PARD3B: variants seen among roughly 807,000 people sequenced by gnomAD.
PARD3B encodes par-3 family cell polarity regulator beta, also known as partitioning defective 3 homolog B.
Under a neutral mutation model 130.2 loss-of-function variants are expected in PARD3B, and 103 were observed. That is an observed-to-expected ratio of 0.79 (90% CI 0.67 to 0.93). The LOEUF (loss-of-function observed/expected upper bound fraction) is 0.93. Ranked by LOEUF, PARD3B falls within the 40% of genes least tolerant of loss-of-function variation. The pLI is 0.00. For synonymous variants in PARD3B, 583 were observed against 553.2 expected (o/e 1.05, Z -0.76); for missense variants, 1,609 against 1,499.2 (o/e 1.07, Z -1.21).
chr2:204,880,864 G>A (rs1196117307), intron 2 of PARD3B, among the ~76,000 whole-genome samples: 2 of 152,044 alleles, frequency 1.3e-5, no homozygotes, highest in Non-Finnish European at 2.9e-5. Flanking sequence ...CCAACATCCT[G>A]CAATTATATT....
intron 3 of PARD3B, among the ~76,000 whole-genome samples, chr2:204,996,416 C>G (rs1339992602): frequency 3.3e-5 from 5 of 152,306 alleles, no homozygotes; most frequent in Non-Finnish European, 7.3e-5. Flanking sequence ...CAGGGACCCA[C>G]TTGAGGAGGC....
chr2:204,625,747 T>G (rs1016835277), intron 1 of PARD3B, among the ~76,000 whole-genome samples: 35 of 152,200 alleles, frequency 2.3e-4, no homozygotes, highest in African/African-American at 7.7e-4. Flanking sequence ...TATTTATAGA[T>G]TTTTAGCTTT....
intron 1 of PARD3B, among the ~76,000 whole-genome samples, chr2:204,615,747 C>T (rs769624091): frequency 8.5e-5 from 13 of 152,136 alleles, no homozygotes; most frequent in Non-Finnish European, 1.6e-4. Flanking sequence ...AATGCTGTTC[C>T]ATGAAAAAAC....
chr2:205,035,063 A>G (rs757853929), intron 3 of PARD3B, among the ~76,000 whole-genome samples: 4 of 151,864 alleles, frequency 2.6e-5, no homozygotes, highest in Non-Finnish European at 5.9e-5. Flanking sequence ...GGGTTTCACC[A>G]TGTTGTCCAG....
At chr2:204,699,197 A>C in intron 2 of PARD3B, among the ~76,000 whole-genome samples, 1 of 152,066 alleles carries the variant, frequency 6.6e-6, no homozygotes, top group Admixed American at 6.5e-5. Context: ...TGGTGTAGCA[A>C]GTAAAGCCTG....
At chr2:205,166,427 A>G (rs561459751) in intron 11 of PARD3B, among the ~76,000 whole-genome samples, 1 of 152,212 alleles carries the variant, frequency 6.6e-6, no homozygotes, top group Admixed American at 6.5e-5. Context: ...TATGTACACC[A>G]AAGTACAGTC....
chr2:205,006,012 C>G (rs1003441457), intron 3 of PARD3B, among the ~76,000 whole-genome samples: 24 of 152,232 alleles, frequency 1.6e-4, no homozygotes, highest in Non-Finnish European at 4.4e-5. Context: ...TAGTCTTAGG[C>G]CTTTGCATCG....
intron 10 of PARD3B, among the ~76,000 whole-genome samples, chr2:205,140,916 T>A (rs1286521852): frequency 1.3e-5 from 2 of 152,190 alleles, no homozygotes; most frequent in African/African-American, 4.8e-5. Flanking sequence ...ATTAGGCCAC[T>A]AGTTTTGCAT....
chr2:204,693,351 G>C (rs1031379205), intron 2 of PARD3B, among the ~76,000 whole-genome samples: 1 of 151,916 alleles, frequency 6.6e-6, no homozygotes, highest in Non-Finnish European at 1.5e-5. Flanking sequence ...TTTGTGCCTC[G>C]TATGTAGGCA....
At chr2:204,985,830 G>A (rs1015037802) in intron 3 of PARD3B, among the ~76,000 whole-genome samples, 1 of 152,152 alleles carries the variant, frequency 6.6e-6, no homozygotes, top group African/African-American at 2.4e-5. Flanking sequence ...GCTAGGCGTG[G>A]TGGCTCACAT....
At chr2:205,327,141 C>G (rs2042964329) in intron 18 of PARD3B, among the ~76,000 whole-genome samples, 1 of 152,008 alleles carries the variant, frequency 6.6e-6, no homozygotes, top group Admixed American at 6.6e-5. Flanking sequence ...ATTTTCTTAC[C>G]TTGGCATCCC....
chr2:205,022,498 C>T (rs1361853333), intron 3 of PARD3B, among the ~76,000 whole-genome samples: 2 of 152,102 alleles, frequency 1.3e-5, no homozygotes, highest in African/African-American at 2.4e-5. Context: ...AGTTTTTCCC[C>T]TTCAATATTG....
At chr2:205,242,193 A>G (rs1239507524) in intron 15 of PARD3B, among the ~76,000 whole-genome samples, 1 of 152,090 alleles carries the variant, frequency 6.6e-6, no homozygotes, top group Non-Finnish European at 1.5e-5. Flanking sequence ...AAGGCCTCTA[A>G]TTTTTATGCC....
At chr2:204,784,880 C>T (rs2041954468) in intron 2 of PARD3B, among the ~76,000 whole-genome samples, 2 of 152,192 alleles carry the variant, frequency 1.3e-5, no homozygotes, top group African/African-American at 4.8e-5. Flanking sequence ...ACTGTTCTAT[C>T]AGCATTCTTT....
chr2:205,042,526 C>T (rs1698467633), intron 3 of PARD3B, among the ~76,000 whole-genome samples: 2 of 151,902 alleles, frequency 1.3e-5, no homozygotes, highest in South Asian at 4.2e-4. Context: ...ACATAGTCAC[C>T]AGCAGCTACA....
chr2:205,346,021 A>C (rs1451032738), intron 18 of PARD3B, among the ~76,000 whole-genome samples: 1 of 123,950 alleles, frequency 8.1e-6, no homozygotes, highest in Non-Finnish European at 1.8e-5. Context: ...AATACAAAAA[A>C]TTAGCCGGGC....
intron 19 of PARD3B, among the ~76,000 whole-genome samples, chr2:205,406,712 C>T (rs1336388122): frequency 7.1e-6 from 1 of 140,070 alleles, no homozygotes; most frequent in Non-Finnish European, 1.5e-5. Context: ...CACTCTGTCA[C>T]CAGGCTAGAG....
intron 2 of PARD3B, among the ~76,000 whole-genome samples, chr2:204,707,283 G>A (rs917351187): frequency 2.0e-5 from 3 of 152,188 alleles, no homozygotes; most frequent in Admixed American, 6.5e-5. Flanking sequence ...TCAGGAATTT[G>A]TTCCAGAGGC....
chr2:205,019,591 A>G (rs771436327), intron 3 of PARD3B, among the ~76,000 whole-genome samples: 14 of 152,192 alleles, frequency 9.2e-5, no homozygotes, highest in Non-Finnish European at 1.8e-4. Flanking sequence ...GCACCACTTT[A>G]CATTCCCACC....
Sources: allele counts gnomAD v4.1 joint callset (sites outside exome capture counted in the v4.1 genomes callset), GRCh38; gene constraint gnomAD v4.1.1; transcripts MANE v1.5; gene names NCBI Gene and HGNC (gene_info 2026-07-23, HGNC 2026-07-21).